The following CEP55 variants were observed in gnomAD, a reference collection of about 807,000 sequenced individuals.
The protein encoded by CEP55 is centrosomal protein of 55 kDa.
A neutral mutation model predicts 63.2 loss-of-function variants in CEP55; 57 were observed. That is an observed-to-expected ratio of 0.90 (90% confidence interval 0.73 to 1.13). The LOEUF (loss-of-function observed/expected upper bound fraction) is 1.13. Among genes scored for constraint, CEP55 ranks in the 50% most tolerant of loss-of-function variants. The probability of loss-of-function intolerance (pLI) is 0.00; values close to 1 mark genes in which losing one functional copy is unlikely to be tolerated. For missense variants in CEP55, 456 were observed against 518.9 expected, an observed-to-expected ratio of 0.88 and a Z score of 1.18; for synonymous variants, 178 against 191.6, an observed-to-expected ratio of 0.93 and a Z score of 0.59.
intron 8 of CEP55, chr10:93,520,292 T>C (rs2057846018): frequency 6.1e-6 from 1 of 163,032 alleles, no homozygotes; most frequent in Non-Finnish European, 1.3e-5. Flanking sequence ...CCGGGCGTGG[T>C]GGCGGGTGCC....
At chr10:93,499,892 C>T (rs1417137974) in intron 1 of CEP55, 148 bp from the exon 2 acceptor site, 5 of 531,530 alleles carry the variant, frequency 9.4e-6, no homozygotes, top group African/African-American at 5.9e-5. Flanking sequence ...AGTTACAATA[C>T]CCCAGAAGCC....
chr10:93,518,946 C>T lies in CEP55; in HGVS notation c.1063C>T (p.Gln355Ter). 1.2e-6 allele frequency: 2 copies of T among 1,612,068 alleles called. No individual in the cohort carries two copies. Among genetic ancestry groups the T allele is most frequent in the South Asian group, 1.1e-5 (1 of 91,006 alleles). The change falls in exon 7 of 9, where the codon CAG becomes TAG. Residue 355 changes from glutamine (Q) to a stop codon, truncating the protein, a stop_gained and splice_region_variant. Transcript: ENST00000371485. LOFTEE classifies it high-confidence loss of function. Reference protein sequence around the residue: ...EQTRVALLEQQMQACTLDFEN... With the variant: ...EQTRVALLEQ ...AACAAGGGTAGCTCTGTTGGAACAA[C>T]AGGTACTCATTCGGGTTGCTTCTAA...
chr10:93,514,737 A>G (rs1433908368), intron 4 of CEP55, among the ~76,000 whole-genome samples: 1 of 152,202 alleles, frequency 6.6e-6, no homozygotes, highest in Admixed American at 6.5e-5. Flanking sequence ...TAATCAGCTA[A>G]TCACTCACCA....
At chr10:93,517,462 G>T (rs2057816871) in intron 6 of CEP55, among the ~76,000 whole-genome samples, 1 of 152,216 alleles carries the variant, frequency 6.6e-6, no homozygotes, top group Admixed American at 6.5e-5. Context: ...GGGGACCAGT[G>T]GAGGCCTCTC....
chr10:93,504,915 A>G (rs544864440), intron 3 of CEP55, among the ~76,000 whole-genome samples: 1 of 152,220 alleles, frequency 6.6e-6, no homozygotes, highest in South Asian at 2.1e-4. Flanking sequence ...GGGTTCAAGT[A>G]ATTCTCCTGC....
chr10:93,509,585 A>G (rs2057723288), intron 4 of CEP55, among the ~76,000 whole-genome samples: 1 of 152,056 alleles, frequency 6.6e-6, no homozygotes, highest in Non-Finnish European at 1.5e-5. Context: ...TCCTGGTTTC[A>G]AGTGATTCTC....
intron 3 of CEP55, among the ~76,000 whole-genome samples, chr10:93,505,714 C>A (rs987062747): frequency 1.3e-5 from 2 of 152,126 alleles, no homozygotes; most frequent in Non-Finnish European, 2.9e-5. Flanking sequence ...TGAAATACAG[C>A]TTTTTCTATG....
intron 4 of CEP55, among the ~76,000 whole-genome samples, chr10:93,511,219 G>A (rs754179262): frequency 2.0e-5 from 3 of 152,032 alleles, no homozygotes; most frequent in Admixed American, 6.6e-5. Flanking sequence ...GATTACAGGC[G>A]TGAGCCACCA....
At position 93,522,800 on chromosome 10, in the gene CEP55, A is replaced by C. The variant is rs1432779559; in HGVS notation, c.1191+2993A>C. Among the ~76,000 whole-genome samples, 8 of 152,230 alleles carry C rather than the reference A, an allele frequency of 5.3e-5. No homozygotes were observed. The East Asian group carries it at 1.5e-3, about 29-fold the overall frequency. On this transcript the variant is annotated intron_variant, in intron 8 of 8. Coordinates refer to ENST00000371485, the MANE Select transcript of CEP55 (RefSeq NM_018131.5). ...GTCAATATTCAACATTCTTAAAGAA[A>C]AGAATTTTCAACCCAGAATTTCATA...
intron 1 of CEP55, among the ~76,000 whole-genome samples, chr10:93,498,101 GACAGA>G: frequency 6.6e-6 from 1 of 151,172 alleles, no homozygotes; most frequent in East Asian, 1.9e-4. Context: ...CAGCCTGGGC[GACAGA>G]GCGAGACTCT....
Position 93,528,274 on chromosome 10 carries a change from C to T in CEP55, c.*121C>T. On this transcript the variant is annotated 3_prime_UTR_variant, in exon 9 of 9. Transcript: ENST00000371485. ...AACTGCCTATCTACCTTTGACACTC[C>T]AGCATGCTAGTGAATCATGTATCTT... 2.6e-6 allele frequency: 2 copies of T among 761,804 alleles called. No homozygotes were observed. 47.2% of individuals were successfully genotyped at this position (761,804 alleles called of 1,614,324 possible). A position where few individuals can be genotyped will look rare whatever the true frequency, so the allele number is the denominator to read the frequency against.
At chr10:93,515,222 A>C (rs1188653522) in intron 4 of CEP55, among the ~76,000 whole-genome samples, 183 bp from the exon 5 acceptor site, 1 of 152,236 alleles carries the variant, frequency 6.6e-6, no homozygotes, top group East Asian at 1.9e-4. Flanking sequence ...AATCCCACAT[A>C]AACTACGATG....
At chr10:93,514,769 T>C (rs1272336700) in intron 4 of CEP55, among the ~76,000 whole-genome samples, 1 of 151,982 alleles carries the variant, frequency 6.6e-6, no homozygotes, top group African/African-American at 2.4e-5. Context: ...AGAGATCCTC[T>C]TTTTTTTGTT....
At chr10:93,523,008 G>T (rs1176972502) in intron 8 of CEP55, among the ~76,000 whole-genome samples, 1 of 152,074 alleles carries the variant, frequency 6.6e-6, no homozygotes, top group African/African-American at 2.4e-5. Flanking sequence ...AGACCATCGA[G>T]GCTAGGAAAA....
chr10:93,498,552 C>A (rs1450462869), intron 1 of CEP55, among the ~76,000 whole-genome samples: 2 of 152,160 alleles, frequency 1.3e-5, no homozygotes, highest in Non-Finnish European at 2.9e-5. Context: ...CAGGACTAAC[C>A]TTTTGATAGA....
intron 3 of CEP55, among the ~76,000 whole-genome samples, chr10:93,504,697 G>A (rs939522191): frequency 2.0e-5 from 3 of 152,116 alleles, no homozygotes; most frequent in South Asian, 2.1e-4. Context: ...CTCATAAAAC[G>A]TTACAGTCAG....
At chr10:93,510,577 C>G (rs1439409551) in intron 4 of CEP55, 2 of 152,144 alleles carry the variant, frequency 1.3e-5, no homozygotes, top group African/African-American at 4.8e-5. Flanking sequence ...CCATATACTT[C>G]AATGTGTGTT....
chr10:93,504,060 A>G (rs1478595487), intron 3 of CEP55, among the ~76,000 whole-genome samples: 1 of 152,134 alleles, frequency 6.6e-6, no homozygotes, highest in Non-Finnish European at 1.5e-5. Flanking sequence ...AAATGTAAAT[A>G]TGTATGTAAA....
intron 8 of CEP55, among the ~76,000 whole-genome samples, chr10:93,522,640 T>G (rs2057876619): frequency 6.6e-6 from 1 of 152,112 alleles, no homozygotes; most frequent in Non-Finnish European, 1.5e-5. Flanking sequence ...AATTGTCAGA[T>G]TCACCAAAGT....
Sources: allele counts gnomAD v4.1 joint callset (sites outside exome capture counted in the v4.1 genomes callset), GRCh38; gene constraint gnomAD v4.1.1; transcripts MANE v1.5; gene names NCBI Gene and HGNC (gene_info 2026-07-23, HGNC 2026-07-21).